The following B9D1 variants were observed in gnomAD, a reference collection of about 807,000 sequenced individuals.
The protein encoded by B9D1 is B9 domain-containing protein 1.
In B9D1, 20 loss-of-function variants were observed where a neutral mutation model predicts 26.1. The ratio of observed to expected loss-of-function variants is 0.77; its 90% confidence interval spans 0.54 to 1.12. The LOEUF (loss-of-function observed/expected upper bound fraction) is 1.12. Ranked by LOEUF, B9D1 falls within the 50% of genes most tolerant of loss-of-function variation. B9D1 has a pLI of 0.00. For synonymous variants in B9D1, 105 were observed against 103.1 expected, an observed-to-expected ratio of 1.02 and a Z score of -0.11; for missense variants, 260 against 273.7, an observed-to-expected ratio of 0.95 and a Z score of 0.35.
At chr17:19,377,885 A>C (rs949521962) in exon 1 of B9D1, 2 of 985,310 alleles carry the variant, frequency 2.0e-6, no homozygotes, top group Non-Finnish European at 2.4e-6. Flanking sequence ...CGCGAGCTGC[A>C]GTCCAACTTG....
downstream of B9D1, chr17:19,335,426 T>C (rs1907362737): frequency 6.5e-7 from 1 of 1,550,152 alleles, no homozygotes; most frequent in East Asian, 2.4e-5. Context: ...TTAACAGGAC[T>C]TCTGTTTACA....
downstream of B9D1, among the ~76,000 whole-genome samples, chr17:19,338,606 A>G (rs888651882): frequency 6.6e-6 from 1 of 152,242 alleles, no homozygotes; most frequent in Non-Finnish European, 1.5e-5. Context: ...GGCCAGTGCC[A>G]TGATGGCAGG....
intron 5 of B9D1, among the ~76,000 whole-genome samples, chr17:19,346,008 C>T (rs941967496): frequency 1.3e-5 from 2 of 152,264 alleles, no homozygotes; most frequent in African/African-American, 4.8e-5. Context: ...ACCCTTTCCT[C>T]AGCGAGCTGT....
downstream of B9D1, chr17:19,337,663 GTTTC>G (rs1464684265): frequency 4.0e-6 from 6 of 1,509,348 alleles, no homozygotes; most frequent in African/African-American, 8.3e-5. Context: ...TCCCGCGGAA[GTTTC>G]TCACAGAAGT....
At chr17:19,375,829 G>A (rs1430484256) in intron 1 of B9D1, among the ~76,000 whole-genome samples, 3 of 152,216 alleles carry the variant, frequency 2.0e-5, no homozygotes, top group South Asian at 2.1e-4. Flanking sequence ...TGCAACTGCT[G>A]GAGAAAACAG....
chr17:19,347,448 A>C lies in B9D1; in HGVS notation c.342-117T>G. On this transcript the variant is annotated intron_variant, in intron 4 of 6. Coordinates refer to ENST00000261499, the MANE Select transcript of B9D1 (RefSeq NM_015681.6). This position sits in a 1 kb window ranked among gnomAD's most constrained non-coding sequence, Gnocchi z 4.3. ...CTGCAGCGTGGGCCAAGTCAGGGCC[A>C]ATGTCAACGAATCCAACCTGTGCTA... 8.3e-7 allele frequency: 1 copy of C among 1,210,132 alleles called. No homozygotes were observed. Among genetic ancestry groups the C allele is most frequent in the South Asian group, 1.3e-5 (1 of 78,518 alleles). The allele number at this position is 1,210,132 out of a possible 1,614,324, so 75.0% of individuals were successfully genotyped here. A position where few individuals can be genotyped will look rare whatever the true frequency, so the allele number is the denominator to read the frequency against.
intron 1 of B9D1, among the ~76,000 whole-genome samples, chr17:19,375,610 T>TGG (rs1912065686): frequency 6.6e-6 from 1 of 152,244 alleles, no homozygotes; most frequent in African/African-American, 2.4e-5. Flanking sequence ...GACATGGTGG[T>TGG]GGGGACCTGT....
rs548974429 is a variant in B9D1 at position 19,370,690 on chromosome 17, C to T, written c.-298+7169G>A. 6.6e-6 allele frequency among the ~76,000 whole-genome samples: 1 copy of T among 152,254 alleles called. No homozygotes were observed. The highest frequency in any genetic ancestry group is 1.5e-5 in the Non-Finnish European group (1 of 68,010). On this transcript the variant is annotated intron_variant, in intron 1 of 5. Coordinates refer to the B9D1 transcript ENST00000477478. The surrounding 1 kb of genome is among the most constrained non-coding windows in gnomAD (Gnocchi z 5.1). ...TGAATGGTGGAAGCAGGGGTGAGGC[C>T]CCGAGAGGTGTCTGGAGCCATCTGG...
chr17:19,368,582 A>G (rs1353200665), intron 1 of B9D1, among the ~76,000 whole-genome samples: 1 of 152,194 alleles, frequency 6.6e-6, no homozygotes, highest in African/African-American at 2.4e-5. Context: ...ATTGGAGTCC[A>G]GTTTACTTGC....
At chr17:19,340,169 TG>T (rs1186393899), downstream of B9D1, among the ~76,000 whole-genome samples, 2 of 152,058 alleles carry the variant, frequency 1.3e-5, no homozygotes. Flanking sequence ...CCTTTGGGGC[TG>T]GGTTGTGCAT....
At chr17:19,340,263 C>T (rs959665726), downstream of B9D1, among the ~76,000 whole-genome samples, 5 of 151,962 alleles carry the variant, frequency 3.3e-5, no homozygotes, top group Non-Finnish European at 5.9e-5. Context: ...CTCCACCTCC[C>T]GGGTTCAAGC....
intron 1 of B9D1, among the ~76,000 whole-genome samples, chr17:19,362,031 T>C (rs548986496): frequency 6.6e-6 from 1 of 152,344 alleles, no homozygotes; most frequent in East Asian, 1.9e-4. Flanking sequence ...CCCTCGGGCC[T>C]AGCAGGCACA....
chr17:19,346,550 GAAGGCC>G (rs1251884362), intron 5 of B9D1, among the ~76,000 whole-genome samples: 3 of 152,230 alleles, frequency 2.0e-5, no homozygotes, highest in Admixed American at 2.0e-4. Flanking sequence ...CCTCGAGTCA[GAAGGCC>G]AGGGCCCAGC....
chr17:19,345,901 A>G lies in B9D1; in HGVS notation c.404+1368T>C, dbSNP rs1395195069. Among the ~76,000 whole-genome samples, 5 of 152,234 alleles carry G rather than the reference A, an allele frequency of 3.3e-5. No homozygotes were observed. The East Asian group carries it at 5.8e-4, about 18-fold the overall frequency. The stretch of plus-strand genomic sequence containing the variant: ...CTCCATATCTGGGAAGATTCTGCCA[A>G]TCAAACTGCCTTCACTAATCAGAAC... On this transcript the variant is annotated intron_variant, in intron 5 of 6. Transcript: ENST00000261499.
chr17:19,369,840 G>A (rs544061149), intron 1 of B9D1, among the ~76,000 whole-genome samples: 47 of 152,256 alleles, frequency 3.1e-4, no homozygotes, highest in Middle Eastern at 3.4e-3. Context: ...TGGAAGACTC[G>A]CTGTGTGATT....
intron 3 of B9D1, among the ~76,000 whole-genome samples, chr17:19,352,240 T>A (rs1285796467): frequency 6.6e-6 from 1 of 152,220 alleles, no homozygotes; most frequent in African/African-American, 2.4e-5. Context: ...AACTTTTGCC[T>A]CTTTCATCTC....
Position 19,359,806 on chromosome 17 carries a change from C to G in B9D1, c.132+514G>C, listed in dbSNP as rs1235160035. Among the ~76,000 whole-genome samples, 1 of 152,212 alleles carries G rather than the reference C, an allele frequency of 6.6e-6. No homozygotes were observed. Among genetic ancestry groups the G allele is most frequent in the Non-Finnish European group, 1.5e-5 (1 of 68,036 alleles). ...AGAGAGCTTAAATAAGTTCAGTCTCCTTTTCTTAAACTGCTATGAAGATGA... is the reference window on the plus strand; with the variant it reads ...AGAGAGCTTAAATAAGTTCAGTCTCGTTTTCTTAAACTGCTATGAAGATGA... On this transcript the variant is annotated intron_variant, in intron 2 of 6. Coordinates refer to ENST00000261499, the MANE Select transcript of B9D1 (RefSeq NM_015681.6). The surrounding 1 kb of genome is among the most constrained non-coding windows in gnomAD (Gnocchi z 5.0).
Position 19,347,890 on chromosome 17 carries a change from G to C in B9D1, c.245-10C>G. 10 of 1,613,318 alleles carry C rather than the reference G, an allele frequency of 6.2e-6. No individual in the cohort carries two copies. Among genetic ancestry groups the C allele is most frequent in the Non-Finnish European group, 7.6e-6 (9 of 1,179,428 alleles). ...AGCACGATCTGTGGCCCTTGGGAAG[G>C]ACAAGGCAGGGGGTGGGCACATGAG... On this transcript the variant is annotated splice_polypyrimidine_tract_variant and intron_variant, in intron 3 of 6. Transcript: ENST00000261499. The surrounding 1 kb of genome is among the most constrained non-coding windows in gnomAD (Gnocchi z 4.3).
At chr17:19,368,665 C>T (rs1243903426) in intron 1 of B9D1, among the ~76,000 whole-genome samples, 4 of 152,062 alleles carry the variant, frequency 2.6e-5, no homozygotes, top group African/African-American at 4.8e-5. Context: ...CATTTGGGGG[C>T]GGGGCACAGT....
Sources: gnomAD v4.1 joint callset for allele counts (sites outside exome capture counted in the v4.1 genomes callset) on GRCh38, gnomAD v4.1.1 for gene constraint, Gnocchi (gnomAD v3.1) non-coding constraint, MANE v1.5 for transcripts, NCBI Gene and HGNC (gene_info 2026-07-23, HGNC 2026-07-21) for gene names.